Variants in FOXP1 observed in about 807,000 individuals in gnomAD.
FOXP1 encodes forkhead box protein P1.
In FOXP1, 15 loss-of-function variants were observed where a neutral mutation model predicts 98.2. The ratio of observed to expected loss-of-function variants is 0.15; its 90% CI spans 0.10 to 0.24. The LOEUF (loss-of-function observed/expected upper bound fraction) is 0.24, where lower values mean the gene tolerates loss of function less well. Among genes scored for constraint, FOXP1 ranks in the 10% least tolerant of loss-of-function variants. The pLI, the probability that FOXP1 is intolerant of heterozygous loss-of-function variation, is 1.00. For synonymous variants in FOXP1, 371 were observed against 314.5 expected (o/e 1.18, Z -1.90); for missense variants, 633 against 848.5 (o/e 0.75, Z 3.15).
intron 12 of FOXP1, among the ~76,000 whole-genome samples, chr3:71,010,630 C>T (rs1382209275): frequency 6.6e-6 from 1 of 152,000 alleles, no homozygotes; most frequent in Non-Finnish European, 1.5e-5. Flanking sequence ...AGTAAGAATA[C>T]CAAGGAGAAT....
At chr3:71,480,232 C>T (rs763139774) in intron 3 of FOXP1, among the ~76,000 whole-genome samples, 3 of 152,108 alleles carry the variant, frequency 2.0e-5, no homozygotes, top group African/African-American at 7.2e-5. Flanking sequence ...CAAAACTAAA[C>T]AGGAACAGAC....
intron 3 of FOXP1, among the ~76,000 whole-genome samples, chr3:71,476,657 A>ATTTTTT (rs55733297): frequency 1.5e-5 from 2 of 134,480 alleles, no homozygotes; most frequent in African/African-American, 2.7e-5. Context: ...TGCCCAGCTA[A>ATTTTTT]TTTTTTTTTT....
intron 9 of FOXP1, among the ~76,000 whole-genome samples, chr3:71,052,170 G>GA (rs796723747): frequency 1.3e-3 from 181 of 139,494 alleles, no homozygotes; most frequent in Non-Finnish European, 1.5e-3. Flanking sequence ...GTGAGCTGGG[G>GA]AAAAAAAAAA....
At chr3:70,971,189 G>C (rs1018211412) in intron 18 of FOXP1, 7 of 297,572 alleles carry the variant, frequency 2.4e-5, no homozygotes, top group African/African-American at 1.3e-4. Flanking sequence ...TGCTGGGCAC[G>C]AGCAGAGAGA....
At chr3:71,028,740 T>C (rs893431479) in intron 11 of FOXP1, among the ~76,000 whole-genome samples, 2 of 152,240 alleles carry the variant, frequency 1.3e-5, no homozygotes, top group Non-Finnish European at 2.9e-5. Flanking sequence ...TGAAATAATT[T>C]TACAACTCAC....
chr3:71,037,372 T>A (rs2047729650), intron 11 of FOXP1, among the ~76,000 whole-genome samples: 2 of 152,202 alleles, frequency 1.3e-5, no homozygotes, highest in South Asian at 4.1e-4. Context: ...TTCATTTGCA[T>A]TCTGTTGATT....
intron 4 of FOXP1, among the ~76,000 whole-genome samples, chr3:71,316,949 C>T (rs144200228): frequency 7.2e-5 from 11 of 152,262 alleles, no homozygotes; most frequent in African/African-American, 2.6e-4. Flanking sequence ...AGCCACTGCG[C>T]CTGGCCAGGG....
intron 6 of FOXP1, among the ~76,000 whole-genome samples, chr3:71,121,379 A>AAG (rs1559972371): frequency 4.1e-5 from 6 of 145,368 alleles, no homozygotes; most frequent in East Asian, 2.3e-4. Flanking sequence ...GAAAAAAAAA[A>AAG]GGGGGGGGGG....
intron 6 of FOXP1, among the ~76,000 whole-genome samples, chr3:71,168,611 G>A (rs2061497113): frequency 6.6e-6 from 1 of 152,146 alleles, no homozygotes; most frequent in Admixed American, 6.5e-5. Context: ...ATTCCAGACA[G>A]AAAATTTACA....
rs534600571 is a variant in FOXP1 at position 71,419,395 on chromosome 3, C to T, written c.-167-60151G>A. 4.6e-5 allele frequency among the ~76,000 whole-genome samples: 7 copies of T among 150,552 alleles called. 1 individual carries two copies. In the South Asian group the frequency reaches 6.3e-4, roughly 14 times the overall value. On this transcript the variant is annotated intron_variant, in intron 3 of 20. Transcript: ENST00000649528. ...ACACATAAGGGGAATGAAAGAAAAA[C>T]AATATTCCCAATAACAGCCTCTAAT... is the stretch of plus-strand genomic sequence containing the variant.
intron 10 of FOXP1, among the ~76,000 whole-genome samples, chr3:71,045,078 T>A (rs781534857): frequency 1.9e-4 from 29 of 152,170 alleles, no homozygotes; most frequent in Non-Finnish European, 3.5e-4. Context: ...CACTGGTAGT[T>A]CACTTTACTG....
chr3:71,393,354 T>C (rs1251170939), intron 3 of FOXP1, among the ~76,000 whole-genome samples: 4 of 152,014 alleles, frequency 2.6e-5, no homozygotes, highest in African/African-American at 9.7e-5. Flanking sequence ...TGATGTAATG[T>C]CTAAGACCAC....
At chr3:71,363,084 A>G (rs1306106332) in intron 3 of FOXP1, among the ~76,000 whole-genome samples, 2 of 152,082 alleles carry the variant, frequency 1.3e-5, no homozygotes, top group Admixed American at 6.6e-5. Flanking sequence ...GGGTGATTAT[A>G]ATCCTAAAAT....
intron 11 of FOXP1, among the ~76,000 whole-genome samples, chr3:71,028,476 A>C (rs1229601772): frequency 6.6e-6 from 1 of 152,196 alleles, no homozygotes; most frequent in Non-Finnish European, 1.5e-5. Flanking sequence ...GGGGATTCTG[A>C]GGCAAGCTAA....
At chr3:71,121,359 C>G (rs969582326) in intron 6 of FOXP1, among the ~76,000 whole-genome samples, 2 of 146,596 alleles carry the variant, frequency 1.4e-5, no homozygotes, top group African/African-American at 2.6e-5. Context: ...ATAGGATTTT[C>G]ATGACACCAG....
chr3:71,239,027 T>A (rs557885458), intron 5 of FOXP1, among the ~76,000 whole-genome samples: 1 of 152,346 alleles, frequency 6.6e-6, no homozygotes, highest in Admixed American at 6.5e-5. Context: ...TTAGTGTAAG[T>A]GCTGAGAATT....
At position 71,452,386 on chromosome 3, in the gene FOXP1, A is replaced by G. The variant is rs560621263; in HGVS notation, c.-168+41040T>C. 5.9e-5 allele frequency among the ~76,000 whole-genome samples: 9 copies of G among 152,336 alleles called. No individual in the cohort carries two copies. In the East Asian group the frequency reaches 1.3e-3, roughly 23 times the overall value. On this transcript the variant is annotated intron_variant, in intron 3 of 20. Transcript: ENST00000649528. ...CAGCTATGTTTATAGGTAACAACCT[A>G]GAAAACCAGGTGATTCACGTACAAT...
chr3:71,374,470 G>A (rs2090236449), intron 3 of FOXP1, among the ~76,000 whole-genome samples: 1 of 152,076 alleles, frequency 6.6e-6, no homozygotes. Context: ...GCACACACCT[G>A]TAATCCCAGC....
Position 70,956,731 on chromosome 3 carries a change from AGTTTTT to A in FOXP1, c.*2510_*2515del. ...TGCACATCATGAAGCTGCCTGGAAA[AGTTTTT>A]TTTTTTTTTTTTTTTTTTTTTTTTT... On this transcript the variant is annotated 3_prime_UTR_variant, in exon 21 of 21. Transcript: ENST00000649528. The A allele has an allele frequency of 5.9e-5, 6 of 101,708 alleles. No homozygotes were observed. Among genetic ancestry groups the A allele is most frequent in the East Asian group, 4.9e-4 (2 of 4,080 alleles). The allele number at this position is 101,708 out of a possible 1,614,324, so 6.3% of individuals were successfully genotyped here. A position where few individuals can be genotyped will look rare whatever the true frequency, so the allele number is the denominator to read the frequency against.
Sources: gnomAD v4.1 joint callset for allele counts (sites outside exome capture counted in the v4.1 genomes callset) on GRCh38, gnomAD v4.1.1 for gene constraint, MANE v1.5 for transcripts, NCBI Gene and HGNC (gene_info 2026-07-23, HGNC 2026-07-21) for gene names.